AANAT: variants seen among roughly 807,000 people sequenced by gnomAD.
The protein encoded by AANAT is serotonin N-acetyltransferase.
AANAT carries 11 observed loss-of-function variants against 15.6 expected under a neutral mutation model. The ratio of observed to expected loss-of-function variants is 0.71; its 90% CI spans 0.44 to 1.17. AANAT has a LOEUF of 1.17. Among genes scored for constraint, AANAT ranks in the 50% most tolerant of loss-of-function variants. AANAT has a pLI of 0.00. For synonymous variants in AANAT, 139 were observed against 131.5 expected, an observed-to-expected ratio of 1.06 and a Z score of -0.39; for missense variants, 286 against 296.3, an observed-to-expected ratio of 0.97 and a Z score of 0.26.
chr17:76,467,030 C>T (rs927364009), upstream of AANAT, among the ~76,000 whole-genome samples: 1 of 151,942 alleles, frequency 6.6e-6, no homozygotes, highest in Non-Finnish European at 1.5e-5. Flanking sequence ...GGGGTGTGAG[C>T]TGGAGGGCAG....
At chr17:76,458,924 G>C (rs561137249) in intron 1 of AANAT, among the ~76,000 whole-genome samples, 1 of 152,228 alleles carries the variant, frequency 6.6e-6, no homozygotes, top group Non-Finnish European at 1.5e-5. Flanking sequence ...CCCTCATGTG[G>C]CTGGCTGAAG....
chr17:76,463,133 G>A (rs1047882128), upstream of AANAT, among the ~76,000 whole-genome samples: 4 of 152,140 alleles, frequency 2.6e-5, no homozygotes, highest in Admixed American at 6.5e-5. Context: ...GCTGCAGCAG[G>A]CTCGGTGCCC....
chr17:76,466,226 G>T (rs2073437052), upstream of AANAT: 4 of 1,534,532 alleles, frequency 2.6e-6, no homozygotes, highest in Admixed American at 2.0e-5. Flanking sequence ...GACCCTGGAG[G>T]TTGAAGGTGG....
chr17:76,458,673 G>A (rs1217539442), intron 1 of AANAT, among the ~76,000 whole-genome samples: 1 of 152,140 alleles, frequency 6.6e-6, no homozygotes, highest in African/African-American at 2.4e-5. Context: ...GCCCTGTCTC[G>A]TCCCTATCTT....
At chr17:76,463,674 AT>A (rs1314050086), upstream of AANAT, among the ~76,000 whole-genome samples, 1 of 152,016 alleles carries the variant, frequency 6.6e-6, no homozygotes, top group African/African-American at 2.4e-5. Context: ...TCTGTTCTCC[AT>A]TCTTTGTGGC....
Position 76,469,125 on chromosome 17 carries a change from C to T in AANAT, c.164-48C>T, listed in dbSNP as rs776791006. The stretch of plus-strand genomic sequence containing the variant: ...CACTCGGGGTGCAGCAGACAGTGGA[C>T]GCGAGGCACAGCGACTACCAGTCAC... On this transcript the variant is annotated intron_variant, in intron 2 of 3. Coordinates refer to ENST00000392492, the MANE Select transcript of AANAT (RefSeq NM_001088.3). The surrounding 1 kb of genome is among the most constrained non-coding windows in gnomAD (Gnocchi z 5.2). The T allele has an allele frequency of 3.7e-5, 59 of 1,608,284 alleles. No homozygotes were observed. Among genetic ancestry groups the T allele is most frequent in the African/African-American group, 1.2e-4 (9 of 74,860 alleles).
chr17:76,463,791 T>C (rs113735607), upstream of AANAT, among the ~76,000 whole-genome samples: 3,571 of 152,276 alleles, frequency 0.023, 147 homozygotes, highest in African/African-American at 0.081. Flanking sequence ...CTGCTAACAG[T>C]GGACATCCCA....
chr17:76,460,788 T>G (rs771340495), intron 2 of AANAT, among the ~76,000 whole-genome samples: 1 of 152,050 alleles, frequency 6.6e-6, no homozygotes, highest in Non-Finnish European at 1.5e-5. Flanking sequence ...GTTCCTGAGG[T>G]AAGTGCCTAT....
intron 2 of AANAT, among the ~76,000 whole-genome samples, chr17:76,460,665 T>C (rs1004102440): frequency 1.3e-5 from 2 of 152,150 alleles, no homozygotes; most frequent in African/African-American, 4.8e-5. Flanking sequence ...TCACACAATC[T>C]TACTATTGGG....
chr17:76,459,804 T>G (rs2073370185), intron 2 of AANAT, among the ~76,000 whole-genome samples: 1 of 152,270 alleles, frequency 6.6e-6, no homozygotes, highest in African/African-American at 2.4e-5. Flanking sequence ...TATAACGTGC[T>G]TTGCCCAGTG....
At chr17:76,465,155 G>C (rs2073425104), upstream of AANAT, among the ~76,000 whole-genome samples, 1 of 152,056 alleles carries the variant, frequency 6.6e-6, no homozygotes. Flanking sequence ...GTACGACTTG[G>C]GGGGCAAAGG....
rs763427905 is a variant in AANAT, at chr17:76,469,165, T to C, written c.164-8T>C. 15 of 1,613,834 alleles carry C rather than the reference T, an allele frequency of 9.3e-6. No individual in the cohort carries two copies. In the Admixed American group the frequency reaches 2.3e-4, roughly 25 times the overall value. Reference sequence around the variant, plus strand: ...CTACCAGTCACCCACCTGAGCCTCCTGCCACAGCCTTCATCTCCGTCTTGG... The same window carrying C: ...CTACCAGTCACCCACCTGAGCCTCCCGCCACAGCCTTCATCTCCGTCTTGG... On this transcript the variant is annotated splice_region_variant and splice_polypyrimidine_tract_variant and intron_variant, in intron 2 of 3. Transcript: ENST00000392492. This position sits in a 1 kb window ranked among gnomAD's most constrained non-coding sequence, Gnocchi z 5.2.
At chr17:76,454,587 G>C (rs1384622035) in intron 1 of AANAT, among the ~76,000 whole-genome samples, 2 of 152,098 alleles carry the variant, frequency 1.3e-5, no homozygotes, top group Non-Finnish European at 2.9e-5. Flanking sequence ...GGCAGAAGCA[G>C]ATGGATCACC....
intron 2 of AANAT, among the ~76,000 whole-genome samples, chr17:76,460,129 A>ATTTT (rs1567863927): frequency 1.8e-4 from 15 of 82,920 alleles, no homozygotes; most frequent in Non-Finnish European, 2.8e-4. Flanking sequence ...TACTTCAGGA[A>ATTTT]ATTTTTTTTT....
At chr17:76,456,763 A>G (rs909038985) in intron 1 of AANAT, among the ~76,000 whole-genome samples, 1 of 152,180 alleles carries the variant, frequency 6.6e-6, no homozygotes, top group Non-Finnish European at 1.5e-5. Flanking sequence ...CATATTATTG[A>G]CCAGGCATTG....
At chr17:76,455,106 G>A (rs1167700781) in intron 1 of AANAT, among the ~76,000 whole-genome samples, 2 of 152,070 alleles carry the variant, frequency 1.3e-5, no homozygotes, top group Admixed American at 6.5e-5. Context: ...CAGCCTGGGC[G>A]ACAGAGTGAG....
upstream of AANAT, among the ~76,000 whole-genome samples, chr17:76,464,797 A>AT (rs1251437197): frequency 7.3e-5 from 8 of 109,470 alleles, no homozygotes; most frequent in African/African-American, 2.2e-4. Context: ...CTGTATCTAT[A>AT]TATTTTTTTT....
chr17:76,468,801 G>A lies in AANAT; in HGVS notation c.55G>A (p.Gly19Arg), dbSNP rs1567866808. 2.5e-6 allele frequency: 4 copies of A among 1,613,378 alleles called. No individual in the cohort carries two copies. Among genetic ancestry groups the A allele is most frequent in the Admixed American group, 1.7e-5 (1 of 59,990 alleles). The stretch of plus-strand genomic sequence containing the variant: ...ACCTGAGGCCCCACGTCTGCCACCT[G>A]GGATCCCCGAGTCCCCGAGCTGTCA... ...LKPEAPRLPP[G>R]IPESPSCQRR... The change falls in exon 2 of 4, where the codon GGG becomes AGG. Residue 19 changes from glycine to arginine, a missense_variant. Coordinates refer to ENST00000392492, the MANE Select transcript of AANAT (RefSeq NM_001088.3).
upstream of AANAT, among the ~76,000 whole-genome samples, chr17:76,464,557 T>C (rs114443519): frequency 1.6e-3 from 238 of 152,058 alleles, no homozygotes; most frequent in African/African-American, 5.4e-3. Context: ...CAGGGTGGCA[T>C]GGTACACACT....
Sources: gnomAD v4.1 joint callset for allele counts (sites outside exome capture counted in the v4.1 genomes callset) on GRCh38, gnomAD v4.1.1 for gene constraint, Gnocchi (gnomAD v3.1) non-coding constraint, MANE v1.5 for transcripts, NCBI Gene and HGNC (gene_info 2026-07-23, HGNC 2026-07-21) for gene names.